PTPRZ1: variants seen among roughly 807,000 people sequenced by gnomAD.
PTPRZ1 encodes protein tyrosine phosphatase receptor type Z1.
A neutral mutation model predicts 214.1 loss-of-function variants in PTPRZ1; 82 were observed. That is an observed-to-expected ratio of 0.38 (90% confidence interval 0.32 to 0.46). The LOEUF is 0.46. Ranked by LOEUF, PTPRZ1 falls within the 20% of genes least tolerant of loss-of-function variation. PTPRZ1 has a pLI of 1.00. For missense variants in PTPRZ1, 2,603 were observed against 2,748.7 expected, an observed-to-expected ratio of 0.95 and a Z score of 1.19; for synonymous variants, 945 against 987.9, an observed-to-expected ratio of 0.96 and a Z score of 0.81.
At chr7:121,997,255 A>T (rs1798171109) in intron 9 of PTPRZ1, among the ~76,000 whole-genome samples, 1 of 152,146 alleles carries the variant, frequency 6.6e-6, no homozygotes. Context: ...TGGACTCTGC[A>T]CTCAGGCACC....
At chr7:121,908,363 G>GCC in intron 1 of PTPRZ1, 5 of 297,924 alleles carry the variant, frequency 1.7e-5, no homozygotes, top group South Asian at 3.1e-5. Flanking sequence ...CAATCCCTTT[G>GCC]GAAAAGAATA....
At position 122,012,476 on chromosome 7, in the gene PTPRZ1, C is replaced by T; in HGVS notation, c.3430C>T (p.Leu1144Phe). Residue 1144 changes from leucine (L) to phenylalanine (F), a missense_variant, in exon 12 of 30, where the codon CTT becomes TTT. Leu to Phe is a conservative substitution (Grantham distance 22, BLOSUM62 0). Around this residue, in one of 6 missense-constraint regions of PTPRZ1, gnomAD observed 1,913 missense variants for 1,914.3 expected, o/e 1.00. Coordinates refer to ENST00000393386, the MANE Select transcript of PTPRZ1 (RefSeq NM_002851.3). ...TGGTGACACTTCGCTTAAACCTGTGCTTAGTGCAAACTCAGAGCCAGCATC... is the reference window on the plus strand; with the variant it reads ...TGGTGACACTTCGCTTAAACCTGTGTTTAGTGCAAACTCAGAGCCAGCATC... ...ASGDTSLKPVLSANSEPASSD... is the reference protein window; with the variant it reads ...ASGDTSLKPVFSANSEPASSD... 6.2e-7 allele frequency: 1 copy of T among 1,613,900 alleles called. No homozygotes were observed. The highest frequency in any genetic ancestry group is 8.5e-7 in the Non-Finnish European group (1 of 1,179,856).
chr7:122,048,790 A>G (rs955368519), intron 23 of PTPRZ1, among the ~76,000 whole-genome samples: 3 of 152,160 alleles, frequency 2.0e-5, no homozygotes, highest in Non-Finnish European at 4.4e-5. Flanking sequence ...AAATAATTTA[A>G]TGTCACATTT....
At chr7:121,986,332 C>G (rs1408920436) in intron 8 of PTPRZ1, among the ~76,000 whole-genome samples, 1 of 152,118 alleles carries the variant, frequency 6.6e-6, no homozygotes, top group Non-Finnish European at 1.5e-5. Context: ...CCCAAGTCTC[C>G]CTGAATCTAA....
At chr7:122,017,143 C>G (rs893687217) in intron 12 of PTPRZ1, among the ~76,000 whole-genome samples, 1 of 152,156 alleles carries the variant, frequency 6.6e-6, no homozygotes, top group Non-Finnish European at 1.5e-5. Context: ...ATTACTGACA[C>G]ACTTACTTTC....
At position 122,036,686 on chromosome 7, in the gene PTPRZ1, A is replaced by G; in HGVS notation, c.5367+4A>G. On this transcript the variant is annotated splice_donor_region_variant and intron_variant, in intron 18 of 29. Transcript: ENST00000393386. ...TATCAATGCCAATTATGTTGATGTA[A>G]GCATGTTTTAATTGAAAATTTTATA... The G allele has an allele frequency of 6.3e-7, 1 of 1,585,078 alleles. No homozygotes were observed. The highest frequency in any genetic ancestry group is 8.7e-7 in the Non-Finnish European group (1 of 1,154,724).
At position 121,998,099 on chromosome 7, in the gene PTPRZ1, G is replaced by C; in HGVS notation, c.1240+93G>C. 2.9e-6 allele frequency: 4 copies of C among 1,380,194 alleles called. No homozygotes were observed. The Admixed American group carries it at 7.4e-5, about 26-fold the overall frequency. 85.5% of individuals were successfully genotyped at this position (1,380,194 alleles called of 1,614,324 possible). On this transcript the variant is annotated intron_variant, in intron 10 of 29. Coordinates refer to ENST00000393386, the MANE Select transcript of PTPRZ1 (RefSeq NM_002851.3). The stretch of plus-strand genomic sequence containing the variant: ...TGATGCTTTCTCTCTATATTCTTTT[G>C]GCCAAAAGGCAAAGTGATTTTCTCT...
At chr7:121,948,780 A>G (rs1280665428) in intron 2 of PTPRZ1, among the ~76,000 whole-genome samples, 2 of 150,870 alleles carry the variant, frequency 1.3e-5, no homozygotes, top group Non-Finnish European at 3.0e-5. Context: ...TTTTTAGGTA[A>G]TATTCCTGAG....
intron 11 of PTPRZ1, among the ~76,000 whole-genome samples, chr7:122,006,896 CGTT>C (rs1798505518): frequency 6.6e-6 from 1 of 151,954 alleles, no homozygotes; most frequent in South Asian, 2.1e-4. Context: ...ATCAGGGACT[CGTT>C]GTTACATCTA....
intron 2 of PTPRZ1, chr7:121,967,100 T>G (rs1797068738): frequency 6.6e-6 from 1 of 152,152 alleles, no homozygotes; most frequent in African/African-American, 2.4e-5. Flanking sequence ...TAAGTTAACA[T>G]GCAGTGAAAT....
In PTPRZ1 at chr7:121,908,281, A is replaced by G. The variant is rs751117345; in HGVS notation, c.59-19875A>G. 1.8e-5 allele frequency: 4 copies of G among 224,642 alleles called. No individual in the cohort carries two copies. The East Asian group carries it at 5.7e-4, about 32-fold the overall frequency. 13.9% of individuals were successfully genotyped at this position (224,642 alleles called of 1,614,324 possible). The stretch of plus-strand genomic sequence containing the variant: ...ACAGGTCACCTGTTGTCAACTCCAT[A>G]TCTTTCTAGTTCCACCACTCCTGTA... On this transcript the variant is annotated intron_variant, in intron 1 of 29. Transcript: ENST00000393386.
rs776075550 is a variant in PTPRZ1 at position 122,031,527 on chromosome 7, C to T, written c.5134C>T (p.His1712Tyr). The change falls in exon 15 of 30, where the codon CAT becomes TAT. Residue 1712 changes from histidine (H) to tyrosine (Y), a missense_variant. Coordinates refer to ENST00000393386, the MANE Select transcript of PTPRZ1 (RefSeq NM_002851.3). ...KHFPKHVADLHASSGFTEEFE... is the reference protein window; with the variant it reads ...KHFPKHVADLYASSGFTEEFE... ...CTTTCCAAAGCATGTTGCAGATTTA[C>T]ATGCAAGTAGTGGGTTTACTGAAGA... The T allele has an allele frequency of 6.2e-7, 1 of 1,610,500 alleles. No homozygotes were observed. The highest frequency in any genetic ancestry group is 8.5e-7 in the Non-Finnish European group (1 of 1,177,856).
At chr7:121,970,290 G>A (rs1797197666) in intron 3 of PTPRZ1, among the ~76,000 whole-genome samples, 2 of 152,162 alleles carry the variant, frequency 1.3e-5, no homozygotes, top group African/African-American at 2.4e-5. Flanking sequence ...ATAGCAGCAT[G>A]ATTTATATTC....
chr7:121,928,289 TA>T, intron 2 of PTPRZ1, 68 bp downstream of exon 2: 1 of 1,221,434 alleles, frequency 8.2e-7, no homozygotes. Context: ...TTTTTATATA[TA>T]AAAGGAAGCT....
chr7:122,010,283 C>A (rs1240852998), intron 11 of PTPRZ1, 51 bp from the exon 12 acceptor site: 1 of 1,514,378 alleles, frequency 6.6e-7, no homozygotes, highest in Non-Finnish European at 8.9e-7. Flanking sequence ...TGAAGATTTT[C>A]TTTTTCTCTT....
Position 122,009,081 on chromosome 7 carries a change from A to C in PTPRZ1, c.1288-1253A>C, listed in dbSNP as rs540777035. ...TAAGGAAATTTTTCAAGGGAATCTG[A>C]GAGAGTAGCCATTTTTAGCACTCAA... On this transcript the variant is annotated intron_variant, in intron 11 of 29. Transcript: ENST00000393386. Among the ~76,000 whole-genome samples the C allele has an allele frequency of 8.5e-5, 13 of 152,264 alleles. No homozygotes were observed. In the East Asian group the frequency reaches 1.4e-3, roughly 16 times the overall value.
At chr7:122,034,503 A>G in intron 17 of PTPRZ1, 125 bp downstream of exon 17, 1 of 717,032 alleles carries the variant, frequency 1.4e-6, no homozygotes, top group Non-Finnish European at 2.4e-6. Context: ...TTATCAGGGA[A>G]TAATAAGACT....
intron 1 of PTPRZ1, among the ~76,000 whole-genome samples, chr7:121,884,855 T>C (rs1423130109): frequency 6.6e-6 from 1 of 152,200 alleles, no homozygotes; most frequent in East Asian, 1.9e-4. Flanking sequence ...AGACATGAAT[T>C]CATTTTTTTA....
intron 13 of PTPRZ1, among the ~76,000 whole-genome samples, chr7:122,027,166 A>G (rs868281538): frequency 3.3e-5 from 5 of 152,170 alleles, no homozygotes; most frequent in African/African-American, 7.2e-5. Context: ...ATTTGGGCCA[A>G]TGCAAAAGTG....
Sources: gnomAD v4.1 joint callset for allele counts (sites outside exome capture counted in the v4.1 genomes callset) on GRCh38, gnomAD v4.1.1 for gene constraint, gnomAD v4.1.1 regional missense constraint, MANE v1.5 for transcripts, NCBI Gene and HGNC (gene_info 2026-07-23, HGNC 2026-07-21) for gene names.